The following SYNPO2 variants were observed in gnomAD, a reference collection of about 807,000 sequenced individuals.
The protein encoded by SYNPO2 is synaptopodin 2, also known as synaptopodin-2.
In SYNPO2, 56 loss-of-function variants were observed where a neutral mutation model predicts 85.0. The observed-to-expected ratio is 0.66, with a 90% CI of 0.53 to 0.82. SYNPO2 has a LOEUF of 0.82. SYNPO2 is among the 40% of genes least tolerant of loss of function. The pLI is 0.00. For synonymous variants in SYNPO2, 602 were observed against 591.1 expected, an observed-to-expected ratio of 1.02 and a Z score of -0.27; for missense variants, 1,575 against 1,534.2, an observed-to-expected ratio of 1.03 and a Z score of -0.44.
intron 1 of SYNPO2, among the ~76,000 whole-genome samples, chr4:118,855,227 G>T (rs180736186): frequency 1.0e-3 from 152 of 151,908 alleles, no homozygotes; most frequent in African/African-American, 3.4e-3. Flanking sequence ...CTCATTAAAA[G>T]AATCTTTTGA....
In SYNPO2 at chr4:118,893,840, T is replaced by TA. The variant is rs34724275; in HGVS notation, c.105+4709dup. ...AACGTATTGTATATTTCAAAATAGC[T>TA]AAAAAAAAAAGGAGTTTAAATGTTC... On this transcript the variant is annotated intron_variant, in intron 1 of 4. Transcript: ENST00000307142. Among the ~76,000 whole-genome samples the TA allele has an allele frequency of 2.0e-3, 297 of 146,660 alleles. 1 individual carries two copies. The highest frequency in any genetic ancestry group is 3.0e-3 in the Admixed American group (44 of 14,568).
At chr4:118,912,516 T>C (rs1383332267) in intron 1 of SYNPO2, among the ~76,000 whole-genome samples, 1 of 150,942 alleles carries the variant, frequency 6.6e-6, no homozygotes, top group African/African-American at 2.4e-5. Context: ...TAGGTAAATC[T>C]TCCTTCTTAT....
At chr4:119,037,906 C>T in intron 4 of SYNPO2, 1 of 179,258 alleles carries the variant, frequency 5.6e-6, no homozygotes, top group South Asian at 1.9e-4. Flanking sequence ...TAAGTAATGG[C>T]CCCTGGATTC....
At chr4:118,882,627 A>C (rs567200446) in intron 1 of SYNPO2, among the ~76,000 whole-genome samples, 50 of 152,226 alleles carry the variant, frequency 3.3e-4, no homozygotes, top group African/African-American at 1.2e-3. Context: ...CACACCCCAC[A>C]CACCTTTATA....
chr4:118,988,316 T>C (rs962189428), intron 1 of SYNPO2, among the ~76,000 whole-genome samples: 2 of 152,150 alleles, frequency 1.3e-5, no homozygotes, highest in Non-Finnish European at 2.9e-5. Context: ...TTTAGTGTTT[T>C]TTTTTTTTCC....
chr4:118,959,912 C>T (rs1390904833), intron 1 of SYNPO2, among the ~76,000 whole-genome samples: 2 of 152,088 alleles, frequency 1.3e-5, no homozygotes, highest in African/African-American at 2.4e-5. Flanking sequence ...TTATTTGGGA[C>T]GGAGGCCTTT....
intron 1 of SYNPO2, among the ~76,000 whole-genome samples, chr4:118,935,600 G>C (rs1352272167): frequency 6.6e-6 from 1 of 152,212 alleles, no homozygotes; most frequent in Non-Finnish European, 1.5e-5. Context: ...ACACAAATAA[G>C]TTGGCCGTTG....
At chr4:118,951,401 C>G (rs76027281) in intron 1 of SYNPO2, among the ~76,000 whole-genome samples, 3,013 of 152,256 alleles carry the variant, frequency 0.02, 84 homozygotes, top group African/African-American at 0.069. Context: ...GAGCTCTGTC[C>G]TCATGACTTA....
intron 4 of SYNPO2, among the ~76,000 whole-genome samples, chr4:119,054,729 G>T (rs1324533981): frequency 6.6e-6 from 1 of 152,136 alleles, no homozygotes; most frequent in Admixed American, 6.5e-5. Context: ...CTGGTAAAAA[G>T]ACACTATTCA....
In SYNPO2 at chr4:119,031,108, C is replaced by T. The variant is rs1384149953; in HGVS notation, c.2333C>T (p.Pro778Leu). Residue 778 changes from proline (P) to leucine (L), a missense_variant, in exon 4 of 5, where the codon CCA (proline) becomes CTA (leucine). Physicochemically the swap from Pro to Leu is moderately conservative, Grantham distance 98. Coordinates refer to ENST00000307142, the MANE Select transcript of SYNPO2 (RefSeq NM_133477.3). ...TCCCAACCAGTAACTCCAGTTTCCC[C>T]AGTCTGGTCTCCAGGAGTGGCTCCC... ...SSSQPVTPVS[P>L]VWSPGVAPTQ... The T allele has an allele frequency of 6.2e-7, 1 of 1,614,124 alleles. No individual in the cohort carries two copies. Among genetic ancestry groups the T allele is most frequent in the South Asian group, 1.1e-5 (1 of 91,064 alleles).
chr4:118,954,204 C>T (rs1369928673), intron 1 of SYNPO2, among the ~76,000 whole-genome samples: 4 of 152,146 alleles, frequency 2.6e-5, no homozygotes, highest in Non-Finnish European at 5.9e-5. Context: ...TTCATGTAAT[C>T]ATATTTTGTA....
At chr4:118,964,523 T>C (rs1735236459) in intron 1 of SYNPO2, among the ~76,000 whole-genome samples, 1 of 151,820 alleles carries the variant, frequency 6.6e-6, no homozygotes, top group Non-Finnish European at 1.5e-5. Flanking sequence ...AATTAAAAAC[T>C]GAGAGATATG....
chr4:118,948,327 A>G (rs1341189227), intron 1 of SYNPO2, among the ~76,000 whole-genome samples: 2 of 152,222 alleles, frequency 1.3e-5, no homozygotes, highest in Non-Finnish European at 2.9e-5. Flanking sequence ...AGAAGCAGAC[A>G]CTCAACAACC....
intron 1 of SYNPO2, among the ~76,000 whole-genome samples, chr4:118,880,074 C>T (rs1732052042): frequency 6.6e-6 from 1 of 152,154 alleles, no homozygotes; most frequent in Non-Finnish European, 1.5e-5. Context: ...CTTTACAAAA[C>T]TGGGAATCAC....
intron 1 of SYNPO2, among the ~76,000 whole-genome samples, chr4:118,971,398 A>T (rs1019541428): frequency 7.2e-5 from 11 of 152,228 alleles, no homozygotes; most frequent in African/African-American, 2.7e-4. Flanking sequence ...GGCTTAGAGT[A>T]GCTCTCCTAC....
chr4:118,931,842 A>C (rs990460301), intron 1 of SYNPO2, among the ~76,000 whole-genome samples: 4 of 152,200 alleles, frequency 2.6e-5, no homozygotes, highest in African/African-American at 9.6e-5. Flanking sequence ...ACTGCCTTAC[A>C]CATAATAAAA....
intron 1 of SYNPO2, among the ~76,000 whole-genome samples, chr4:118,927,143 A>G (rs1733738080): frequency 6.6e-6 from 1 of 152,100 alleles, no homozygotes; most frequent in Admixed American, 6.6e-5. Context: ...CATGCAAGTT[A>G]ACTGTCTTGG....
chr4:118,999,358 T>A (rs1275243507), intron 1 of SYNPO2, among the ~76,000 whole-genome samples: 1 of 151,970 alleles, frequency 6.6e-6, no homozygotes, highest in Non-Finnish European at 1.5e-5. Flanking sequence ...CATCATGTTG[T>A]CCAGGCTGGT....
upstream of SYNPO2, among the ~76,000 whole-genome samples, chr4:118,887,119 G>A (rs765161777): frequency 6.6e-6 from 1 of 151,994 alleles, no homozygotes; most frequent in African/African-American, 2.4e-5. Context: ...TCCCAAAGCT[G>A]TGCTCATGAG....
Sources: gnomAD v4.1 joint callset for allele counts (sites outside exome capture counted in the v4.1 genomes callset) on GRCh38, gnomAD v4.1.1 for gene constraint, MANE v1.5 for transcripts, NCBI Gene and HGNC (gene_info 2026-07-23, HGNC 2026-07-21) for gene names.